The following MRTFB variants were observed in gnomAD, a reference collection of about 807,000 sequenced individuals.
MRTFB encodes the protein myocardin related transcription factor B, also known as myocardin-related transcription factor B.
In MRTFB, 29 loss-of-function variants were observed where a neutral mutation model predicts 104.2. The observed-to-expected ratio is 0.28, with a 90% confidence interval of 0.21 to 0.38. The LOEUF (loss-of-function observed/expected upper bound fraction) is 0.38. MRTFB is among the 10% of genes least tolerant of loss of function. The pLI, the probability that MRTFB is intolerant of heterozygous loss-of-function variation, is 1.00. For missense variants in MRTFB, 1,270 were observed against 1,341.6 expected, an observed-to-expected ratio of 0.95 and a Z score of 0.83; for synonymous variants, 535 against 519.5, an observed-to-expected ratio of 1.03 and a Z score of -0.41.
intron 3 of MRTFB, among the ~76,000 whole-genome samples, chr16:14,197,457 C>T (rs2040490071): frequency 6.6e-6 from 1 of 152,130 alleles, no homozygotes; most frequent in South Asian, 2.1e-4. Context: ...TCAAAAATAA[C>T]TCCAAACTCC....
chr16:14,176,737 T>C (rs928017419), intron 3 of MRTFB, among the ~76,000 whole-genome samples: 2 of 152,218 alleles, frequency 1.3e-5, no homozygotes, highest in Non-Finnish European at 2.9e-5. Flanking sequence ...GAGAGAGCTA[T>C]TGAGTGGAAT....
chr16:14,027,337 A>G, the MRTFB span, among the ~76,000 whole-genome samples: 1 of 152,222 alleles, frequency 6.6e-6, no homozygotes, highest in African/African-American at 2.4e-5. Flanking sequence ...ACAAAATGAT[A>G]GGAATGGAGA....
At chr16:14,127,668 G>A (rs930964988) in intron 2 of MRTFB, among the ~76,000 whole-genome samples, 5 of 148,884 alleles carry the variant, frequency 3.4e-5, no homozygotes, top group South Asian at 2.1e-4. Context: ...AAATAATGAC[G>A]AAAATCCCCT....
At chr16:14,019,439 T>C in the MRTFB span, 1 of 152,258 alleles carries the variant, frequency 6.6e-6, no homozygotes, top group Admixed American at 6.5e-5. Flanking sequence ...TCCATGAGCA[T>C]GGGCCCATTC....
intron 2 of MRTFB, among the ~76,000 whole-genome samples, chr16:14,139,136 G>A (rs1328285140): frequency 6.6e-6 from 1 of 152,020 alleles, no homozygotes; most frequent in African/African-American, 2.4e-5. Context: ...ATACAAAATA[G>A]CCTGGGATAA....
intron 3 of MRTFB, chr16:14,143,873 A>G (rs1328177569): frequency 2.0e-5 from 3 of 152,188 alleles, no homozygotes; most frequent in Non-Finnish European, 4.4e-5. Flanking sequence ...TGTTATGATT[A>G]CCTAGTGAAA....
the MRTFB span, among the ~76,000 whole-genome samples, chr16:14,014,892 T>C: frequency 6.6e-6 from 1 of 151,846 alleles, no homozygotes; most frequent in Admixed American, 6.6e-5. Context: ...TAAAAAACTC[T>C]CAGTTCGGTG....
At chr16:14,071,159 T>C (rs2033657188), upstream of MRTFB, among the ~76,000 whole-genome samples, 1 of 150,708 alleles carries the variant, frequency 6.6e-6, no homozygotes, top group African/African-American at 2.4e-5. Context: ...GTGGGCGGAG[T>C]GCACGCAGGG....
chr16:14,113,474 AAAG>A (rs1783585428), intron 2 of MRTFB, among the ~76,000 whole-genome samples: 1 of 152,270 alleles, frequency 6.6e-6, no homozygotes, highest in African/African-American at 2.4e-5. Context: ...CAGGAGGCCT[AAAG>A]AAGGAGGAAA....
intron 15 of MRTFB, among the ~76,000 whole-genome samples, chr16:14,255,384 C>A (rs1050732813): frequency 6.6e-6 from 1 of 152,172 alleles, no homozygotes; most frequent in African/African-American, 2.4e-5. Flanking sequence ...AGAGAAAAAA[C>A]ACATTTCACA....
intron 2 of MRTFB, among the ~76,000 whole-genome samples, chr16:14,118,062 A>T (rs2036633261): frequency 6.6e-6 from 1 of 152,020 alleles, no homozygotes. Flanking sequence ...ATAGAATAGA[A>T]CATTGCACAT....
intron 2 of MRTFB, among the ~76,000 whole-genome samples, chr16:14,103,446 G>A (rs747512834): frequency 6.6e-6 from 1 of 152,204 alleles, no homozygotes; most frequent in African/African-American, 2.4e-5. Flanking sequence ...CTAAGGAAAT[G>A]TCTGAGCTGT....
chr16:14,138,733 C>T (rs2037849366), intron 2 of MRTFB, among the ~76,000 whole-genome samples: 1 of 152,150 alleles, frequency 6.6e-6, no homozygotes. Flanking sequence ...TTGCGGCTCG[C>T]TCATTTTTGG....
In MRTFB at chr16:14,209,700, T is replaced by C. The variant is rs559320920; in HGVS notation, c.155-543T>C. Among the ~76,000 whole-genome samples, 120 of 152,330 alleles carry C rather than the reference T, an allele frequency of 7.9e-4. 3 individuals are homozygous for C. In the South Asian group the frequency reaches 0.024, roughly 30 times the overall value. On this transcript the variant is annotated intron_variant, in intron 3 of 16. Transcript: ENST00000571589. ...AGAACTTATAGAGTGAGATACATGG[T>C]ATCATGTTTGTGCAAAGATTACTAA...
chr16:14,237,427 C>T (rs2042569941), intron 9 of MRTFB, among the ~76,000 whole-genome samples: 1 of 152,222 alleles, frequency 6.6e-6, no homozygotes, highest in African/African-American at 2.4e-5. Context: ...GTGCTGGGAA[C>T]TGGCCTCGGT....
At chr16:14,198,270 A>G (rs1334652359) in intron 3 of MRTFB, among the ~76,000 whole-genome samples, 1 of 152,198 alleles carries the variant, frequency 6.6e-6, no homozygotes, top group Non-Finnish European at 1.5e-5. Flanking sequence ...GGCTATTGTG[A>G]ATAGAGTTGC....
intron 3 of MRTFB, chr16:14,200,396 T>C (rs1157940525): frequency 6.2e-7 from 1 of 1,607,912 alleles, no homozygotes; most frequent in Non-Finnish European, 8.5e-7. Context: ...TAAAGATGTT[T>C]CACTGTTTGA....
chr16:14,242,945 C>T (rs944197920), intron 10 of MRTFB, among the ~76,000 whole-genome samples: 4 of 151,920 alleles, frequency 2.6e-5, no homozygotes, highest in African/African-American at 9.7e-5. Flanking sequence ...CAAAAGGTGG[C>T]TCAGCAGGGA....
chr16:14,136,753 T>G (rs1448192226), intron 2 of MRTFB, among the ~76,000 whole-genome samples: 1 of 147,838 alleles, frequency 6.8e-6, no homozygotes, highest in Non-Finnish European at 1.5e-5. Context: ...GCCTCTTGGG[T>G]TTTTTTTTTC....
Sources: gnomAD v4.1 joint callset for allele counts (sites outside exome capture counted in the v4.1 genomes callset) on GRCh38, gnomAD v4.1.1 for gene constraint, MANE v1.5 for transcripts, NCBI Gene and HGNC (gene_info 2026-07-23, HGNC 2026-07-21) for gene names.